The following SHANK1 variants were observed in gnomAD, a reference collection of about 807,000 sequenced individuals.
The protein encoded by SHANK1 is SH3 and multiple ankyrin repeat domains 1, also known as SH3 and multiple ankyrin repeat domains protein 1.
In SHANK1, 35 loss-of-function variants were observed where a neutral mutation model predicts 165.6. The observed-to-expected ratio is 0.21, with a 90% confidence interval of 0.16 to 0.28. The LOEUF is 0.28. Among genes scored for constraint, SHANK1 ranks in the 10% least tolerant of loss-of-function variants. The pLI is 1.00. For missense variants in SHANK1, 2,681 were observed against 3,036.4 expected, an observed-to-expected ratio of 0.88 and a Z score of 2.75; for synonymous variants, 1,428 against 1,384.8, an observed-to-expected ratio of 1.03 and a Z score of -0.69.
rs768792411 is a variant in SHANK1, at chr19:50,666,429, G to C, written c.5531C>G (p.Pro1844Arg). The change falls in exon 23 of 24, where the codon CCG (proline) becomes CGG (arginine). Residue 1844 changes from proline to arginine, a missense_variant. This residue lies in a region of SHANK1 where 1,713 missense variants were observed against 1,630.2 expected (regional missense o/e 1.05). Transcript: ENST00000293441. Reference protein sequence around the residue: ...PRKLLPWEEGPGPPPPPLPGP... With the variant: ...PRKLLPWEEGRGPPPPPLPGP... ...GGGCAGAGGTGGTGGCGGTGGGCCCGGGCCCTCCTCCCAGGGCAGCAGCTT... is the reference window on the plus strand; with the variant it reads ...GGGCAGAGGTGGTGGCGGTGGGCCCCGGCCCTCCTCCCAGGGCAGCAGCTT... 2 of 1,610,368 alleles carry C rather than the reference G, an allele frequency of 1.2e-6. No individual in the cohort carries two copies. The highest frequency in any genetic ancestry group is 1.3e-5 in the African/African-American group (1 of 74,922).
At position 50,702,624 on chromosome 19, in the gene SHANK1, G is replaced by A. The variant is rs1463741158; in HGVS notation, c.1590C>T (p.Gly530=). 6.3e-7 allele frequency: 1 copy of A among 1,585,134 alleles called. No individual in the cohort carries two copies. The highest frequency in any genetic ancestry group is 2.3e-5 in the East Asian group (1 of 43,514). Residue 530 remains glycine, a synonymous_variant, in exon 12 of 24, where the codon GGC becomes GGT. Coordinates refer to ENST00000293441, the MANE Select transcript of SHANK1 (RefSeq NM_016148.5). This position sits in a 1 kb window ranked among gnomAD's most constrained non-coding sequence, Gnocchi z 5.3. ...SGTPREGPAG[G]TGGSGGPGGS... ...CCCCGGGGCCCCCTGAGCCCCCCGT[G>A]CCCCCGGCTGGCCCTTCCCGGGGTG...
intron 21 of SHANK1, among the ~76,000 whole-genome samples, chr19:50,675,459 C>T (rs561647666): frequency 8.3e-4 from 127 of 152,280 alleles, no homozygotes; most frequent in Non-Finnish European, 6.2e-4. Context: ...ACATGCCTCT[C>T]ACTACACTTC....
intron 15 of SHANK1, among the ~76,000 whole-genome samples, chr19:50,692,474 C>CAT (rs993822373): frequency 3.2e-5 from 4 of 126,684 alleles, no homozygotes; most frequent in East Asian, 4.5e-4. Context: ...TATATATATA[C>CAT]ACACACACAC....
rs1223523830 is a variant in SHANK1 at position 50,717,318 on chromosome 19, G to C, written c.-43-356C>G. Reference sequence around the variant, plus strand: ...CCCACTTTGCCAGGCCACAGAAAATGCAGCTAAAATTAGCTAAGGACAGAC... The same window carrying C: ...CCCACTTTGCCAGGCCACAGAAAATCCAGCTAAAATTAGCTAAGGACAGAC... On this transcript the variant is annotated intron_variant, in intron 1 of 23. Transcript: ENST00000293441. This position sits in a 1 kb window ranked among gnomAD's most constrained non-coding sequence, Gnocchi z 5.5. Among the ~76,000 whole-genome samples, 2 of 152,232 alleles carry C rather than the reference G, an allele frequency of 1.3e-5. No homozygotes were observed. The highest frequency in any genetic ancestry group is 2.9e-5 in the Non-Finnish European group (2 of 68,032).
intron 15 of SHANK1, among the ~76,000 whole-genome samples, chr19:50,691,859 T>C (rs1373949573): frequency 6.6e-6 from 1 of 151,914 alleles, no homozygotes; most frequent in African/African-American, 2.4e-5. Flanking sequence ...AAAATCTTTT[T>C]TTTTGGTAGA....
chr19:50,711,291 A>G (rs990054308), intron 8 of SHANK1, 80 bp downstream of exon 8: 5 of 856,940 alleles, frequency 5.8e-6, no homozygotes, highest in African/African-American at 5.0e-5. Flanking sequence ...GATGCAGTCA[A>G]GAGGAGTGTC....
chr19:50,700,142 C>T (rs565217507), intron 12 of SHANK1, among the ~76,000 whole-genome samples: 21 of 95,720 alleles, frequency 2.2e-4, no homozygotes, highest in Admixed American at 7.8e-4. Flanking sequence ...TTGGAAGGCT[C>T]GGGTTGGAAG....
At chr19:50,689,743 A>G (rs1173506890) in intron 15 of SHANK1, among the ~76,000 whole-genome samples, 1 of 152,126 alleles carries the variant, frequency 6.6e-6, no homozygotes, top group East Asian at 1.9e-4. Flanking sequence ...GGGGTAATAC[A>G]CATTTAGTAT....
chr19:50,702,706 G>T lies in SHANK1; in HGVS notation c.1554-46C>A. On this transcript the variant is annotated intron_variant, in intron 11 of 23. Coordinates refer to ENST00000293441, the MANE Select transcript of SHANK1 (RefSeq NM_016148.5). This position sits in a 1 kb window ranked among gnomAD's most constrained non-coding sequence, Gnocchi z 5.3. The stretch of plus-strand genomic sequence containing the variant: ...AGAGGAGGGGAGGGTGGAGGGAGGG[G>T]ACACCTCTGGGAGGACAGGGGTCCT... 7.8e-7 allele frequency: 1 copy of T among 1,282,396 alleles called. No individual in the cohort carries two copies. Among genetic ancestry groups the T allele is most frequent in the Non-Finnish European group, 1.1e-6 (1 of 941,414 alleles). 79.4% of individuals were successfully genotyped at this position (1,282,396 alleles called of 1,614,324 possible). A position where few individuals can be genotyped will look rare whatever the true frequency, so the allele number is the denominator to read the frequency against.
intron 7 of SHANK1, 108 bp downstream of exon 7, chr19:50,711,839 C>T: frequency 8.0e-7 from 1 of 1,246,188 alleles, no homozygotes. Context: ...TTATTCTCAC[C>T]CCCATGCTCT....
intron 23 of SHANK1, among the ~76,000 whole-genome samples, chr19:50,665,643 C>T (rs1448679441): frequency 3.4e-5 from 5 of 146,378 alleles, no homozygotes; most frequent in African/African-American, 1.3e-4. Flanking sequence ...CCTATAGTCC[C>T]AGAGGATTGC....
intron 18 of SHANK1, 61 bp downstream of exon 18, chr19:50,687,862 G>A: frequency 6.2e-7 from 1 of 1,604,762 alleles, no homozygotes. Flanking sequence ...CCAGCCCTGG[G>A]GCTCCCGCAG....
intron 21 of SHANK1, among the ~76,000 whole-genome samples, chr19:50,681,767 A>G (rs1986188869): frequency 6.6e-6 from 1 of 152,116 alleles, no homozygotes; most frequent in Non-Finnish European, 1.5e-5. Flanking sequence ...ATTTTATTTC[A>G]GTGAATTAAT....
rs1186671014 is a variant in SHANK1, at chr19:50,701,233, T to A, written c.1747+1234A>T. Among the ~76,000 whole-genome samples the A allele has an allele frequency of 4.1e-5, 6 of 147,460 alleles. No individual in the cohort carries two copies. The Admixed American group carries it at 4.2e-4, about 10-fold the overall frequency. On this transcript the variant is annotated intron_variant, in intron 12 of 23. Coordinates refer to ENST00000293441, the MANE Select transcript of SHANK1 (RefSeq NM_016148.5). ...TTTTTGAGATGGAGTTTCACTCTTGTCAGCCAGGTGTGATCTTGGCTCACT... is the reference window on the plus strand; with the variant it reads ...TTTTTGAGATGGAGTTTCACTCTTGACAGCCAGGTGTGATCTTGGCTCACT...
In SHANK1 at chr19:50,668,007, C is replaced by T. The variant is rs2123080507; in HGVS notation, c.3953G>A (p.Arg1318Gln). 2.0e-6 allele frequency: 3 copies of T among 1,473,684 alleles called. No homozygotes were observed. The highest frequency in any genetic ancestry group is 2.6e-5 in the South Asian group (2 of 78,098). The allele number at this position is 1,473,684 out of a possible 1,614,324, so 91.3% of individuals were successfully genotyped here. The change falls in exon 23 of 24, where the codon CGA becomes CAA. Residue 1318 changes from arginine (R) to glutamine (Q), a missense_variant. Physicochemically the swap from Arg to Gln is conservative, Grantham distance 43. This residue lies in a region of SHANK1 where 1,713 missense variants were observed against 1,630.2 expected (regional missense o/e 1.05). Coordinates refer to ENST00000293441, the MANE Select transcript of SHANK1 (RefSeq NM_016148.5). ...AGYGGYGAGS[R>Q]AYGGGGGSSA... The stretch of plus-strand genomic sequence containing the variant: ...GCTGCCCCCGCCACCCCCGTAGGCT[C>T]GGCTACCGGCCCCGTAGCCGCCGTA...
rs143439926 is a variant in SHANK1, at chr19:50,697,513, T to C, written c.1937+76A>G. On this transcript the variant is annotated intron_variant, in intron 14 of 23. Coordinates refer to ENST00000293441, the MANE Select transcript of SHANK1 (RefSeq NM_016148.5). The surrounding 1 kb of genome is among the most constrained non-coding windows in gnomAD (Gnocchi z 4.7). ...GATTAGAAAGGGGGCTTAGAGGTGA[T>C]GGAAATATTTAAAGGTGTACATTGT... 7.9e-4 allele frequency: 881 copies of C among 1,115,372 alleles called. 6 individuals carry two copies. In the African/African-American group the frequency reaches 0.012, roughly 15 times the overall value. The allele number at this position is 1,115,372 out of a possible 1,614,324, so 69.1% of individuals were successfully genotyped here. A position where few individuals can be genotyped will look rare whatever the true frequency, so the allele number is the denominator to read the frequency against.
rs1568446029 is a variant in SHANK1, at chr19:50,714,032, C to T, written c.641-83G>A. On this transcript the variant is annotated intron_variant, in intron 5 of 23. Coordinates refer to ENST00000293441, the MANE Select transcript of SHANK1 (RefSeq NM_016148.5). ...CCATTTTCCAGGCTCTGCAGCTCTC[C>T]ACCCCACAGCCTCTGGCCCCGTGGC... 4 of 1,570,412 alleles carry T rather than the reference C, an allele frequency of 2.5e-6. No homozygotes were observed. The East Asian group carries it at 6.9e-5, about 27-fold the overall frequency.
rs966677631 is a variant in SHANK1 at position 50,670,986 on chromosome 19, G to GT, written c.2674+1031dup. On this transcript the variant is annotated intron_variant, in intron 22 of 23. Transcript: ENST00000293441. This position sits in a 1 kb window ranked among gnomAD's most constrained non-coding sequence, Gnocchi z 4.1. ...TTTTTGTATTTTTAGTAGAAATGGG[G>GT]TTTCATCATGTTGGTCAGGCTGGTC... Among the ~76,000 whole-genome samples the GT allele has an allele frequency of 3.3e-5, 5 of 151,288 alleles. No homozygotes were observed. Among genetic ancestry groups the GT allele is most frequent in the African/African-American group, 1.2e-4 (5 of 41,134 alleles).
At chr19:50,678,152 G>C (rs1369651730) in intron 21 of SHANK1, among the ~76,000 whole-genome samples, 1 of 152,182 alleles carries the variant, frequency 6.6e-6, no homozygotes, top group Non-Finnish European at 1.5e-5. Flanking sequence ...GGATCAGAGA[G>C]AAAAGGTCCT....
Sources: gnomAD v4.1 joint callset for allele counts (sites outside exome capture counted in the v4.1 genomes callset) on GRCh38, gnomAD v4.1.1 for gene constraint, gnomAD v4.1.1 regional missense constraint, Gnocchi (gnomAD v3.1) non-coding constraint, MANE v1.5 for transcripts, NCBI Gene and HGNC (gene_info 2026-07-23, HGNC 2026-07-21) for gene names.